Variants in CTDSPL2 observed in about 807,000 individuals in gnomAD.
CTDSPL2 encodes CTD small phosphatase like 2.
CTDSPL2 carries 5 observed loss-of-function variants against 60.0 expected under a neutral mutation model. That is an observed-to-expected ratio of 0.08 (90% CI 0.04 to 0.18). The LOEUF (loss-of-function observed/expected upper bound fraction) is 0.18. Ranked by LOEUF, CTDSPL2 falls within the 10% of genes least tolerant of loss-of-function variation. The pLI is 1.00. For missense variants in CTDSPL2, 370 were observed against 548.8 expected, an observed-to-expected ratio of 0.67 and a Z score of 3.26; for synonymous variants, 186 against 189.3, an observed-to-expected ratio of 0.98 and a Z score of 0.14.
At chr15:44,481,676 C>T (rs1246798526) in intron 2 of CTDSPL2, among the ~76,000 whole-genome samples, 1 of 152,120 alleles carries the variant, frequency 6.6e-6, no homozygotes, top group African/African-American at 2.4e-5. Context: ...CGGGTTCAAG[C>T]GATTCTTCTG....
chr15:44,473,078 T>G (rs1370588998), intron 2 of CTDSPL2, among the ~76,000 whole-genome samples: 1 of 152,170 alleles, frequency 6.6e-6, no homozygotes, highest in African/African-American at 2.4e-5. Flanking sequence ...ATTACAGGTG[T>G]GAGCCACCAC....
intron 1 of CTDSPL2, among the ~76,000 whole-genome samples, chr15:44,458,279 G>T (rs528944142): frequency 9.8e-5 from 15 of 152,318 alleles, no homozygotes; most frequent in Non-Finnish European, 1.3e-4. Flanking sequence ...GTGTTTCACA[G>T]ATTCTAATTC....
intron 1 of CTDSPL2, among the ~76,000 whole-genome samples, chr15:44,445,038 G>A (rs1040769742): frequency 6.6e-6 from 1 of 150,988 alleles, no homozygotes; most frequent in Non-Finnish European, 1.5e-5. Flanking sequence ...AGACGACAGG[G>A]TTTCACCGTG....
chr15:44,466,575 A>G (rs1363270694), intron 2 of CTDSPL2, among the ~76,000 whole-genome samples: 5 of 152,170 alleles, frequency 3.3e-5, no homozygotes, highest in African/African-American at 1.2e-4. Context: ...GTGAATCTAG[A>G]TGGTGTATTC....
rs573404499 is a variant in CTDSPL2, at chr15:44,462,006, A to G, written c.186+2806A>G. 1.7e-3 allele frequency among the ~76,000 whole-genome samples: 255 copies of G among 152,182 alleles called. 1 individual carries two copies. The highest frequency in any genetic ancestry group is 5.9e-3 in the African/African-American group (247 of 41,538). On this transcript the variant is annotated intron_variant, in intron 2 of 12. Transcript: ENST00000260327. ...TGCCCAGGCTAGAGTGCAGTTGTGC[A>G]GTCACAGCTCACTGCAGCCTTGACT... is the stretch of plus-strand genomic sequence containing the variant.
At chr15:44,450,759 C>G (rs141062728) in intron 1 of CTDSPL2, among the ~76,000 whole-genome samples, 2 of 151,584 alleles carry the variant, frequency 1.3e-5, no homozygotes, top group Non-Finnish European at 2.9e-5. Context: ...CCATGTCCGG[C>G]TAATTTTTGT....
intron 2 of CTDSPL2, among the ~76,000 whole-genome samples, chr15:44,467,162 G>C (rs2080713808): frequency 6.6e-6 from 1 of 152,198 alleles, no homozygotes; most frequent in African/African-American, 2.4e-5. Context: ...CTGCTGAACT[G>C]TGTGCACATA....
chr15:44,442,302 G>A (rs1372635482), intron 1 of CTDSPL2, among the ~76,000 whole-genome samples: 1 of 151,890 alleles, frequency 6.6e-6, no homozygotes, highest in Non-Finnish European at 1.5e-5. Flanking sequence ...ATTACAAAAA[G>A]TAGGCGTGGT....
chr15:44,512,425 GATAGTTT>G (rs1399728695), intron 8 of CTDSPL2, among the ~76,000 whole-genome samples: 5 of 152,148 alleles, frequency 3.3e-5, no homozygotes, highest in Admixed American at 6.5e-5. Context: ...AAAAGGTTCT[GATAGTTT>G]ATAGTTTATC....
At chr15:44,503,220 G>T (rs978606740) in intron 8 of CTDSPL2, among the ~76,000 whole-genome samples, 12 of 148,392 alleles carry the variant, frequency 8.1e-5, no homozygotes, top group East Asian at 7.9e-4. Flanking sequence ...TCTTAAATTG[G>T]TTTTTTTTTT....
In CTDSPL2 at chr15:44,526,587, T is replaced by C. The variant is rs2081878177; in HGVS notation, c.*2413T>C. 1 of 152,160 alleles carries C rather than the reference T, an allele frequency of 6.6e-6. No individual in the cohort carries two copies. 9.4% of individuals were successfully genotyped at this position (152,160 alleles called of 1,614,324 possible). On this transcript the variant is annotated 3_prime_UTR_variant, in exon 13 of 13. Coordinates refer to ENST00000260327, the MANE Select transcript of CTDSPL2 (RefSeq NM_016396.3). ...GCCAAATTAATATATTTTTCTTTGTTATTTTATTTGAGTCATTTTAAATTT... is the reference window on the plus strand; with the variant it reads ...GCCAAATTAATATATTTTTCTTTGTCATTTTATTTGAGTCATTTTAAATTT...
At chr15:44,462,914 A>G (rs772082218) in intron 2 of CTDSPL2, among the ~76,000 whole-genome samples, 3 of 151,990 alleles carry the variant, frequency 2.0e-5, no homozygotes, top group African/African-American at 7.2e-5. Flanking sequence ...CATGTTGCCC[A>G]GGCTGGTCTT....
At chr15:44,450,646 G>A (rs984732711) in intron 1 of CTDSPL2, among the ~76,000 whole-genome samples, 2 of 138,490 alleles carry the variant, frequency 1.4e-5, no homozygotes, top group African/African-American at 5.6e-5. Context: ...ACGCAGATTG[G>A]AGTATAGCGG....
intron 5 of CTDSPL2, 52 bp downstream of exon 5, chr15:44,491,051 A>C (rs2081205688): frequency 7.3e-7 from 1 of 1,373,982 alleles, no homozygotes; most frequent in Non-Finnish European, 1.0e-6. Flanking sequence ...GATAAAAAAT[A>C]ACAGTATTTC....
At chr15:44,505,338 C>G (rs778698498) in intron 8 of CTDSPL2, among the ~76,000 whole-genome samples, 9 of 152,080 alleles carry the variant, frequency 5.9e-5, no homozygotes, top group Non-Finnish European at 8.8e-5. Context: ...GGGAAGATCA[C>G]CGGAACCCCG....
chr15:44,451,662 C>T (rs1167034243), intron 1 of CTDSPL2, among the ~76,000 whole-genome samples: 1 of 151,948 alleles, frequency 6.6e-6, no homozygotes, highest in Non-Finnish European at 1.5e-5. Flanking sequence ...GAAAACTGGC[C>T]ATTTTAGATA....
At chr15:44,505,307 A>T (rs1446103648) in intron 8 of CTDSPL2, among the ~76,000 whole-genome samples, 1 of 152,114 alleles carries the variant, frequency 6.6e-6, no homozygotes, top group Non-Finnish European at 1.5e-5. Context: ...CTCTAGTCCC[A>T]GCTACTTGGG....
chr15:44,511,640 G>A lies in CTDSPL2; in HGVS notation c.970-2958G>A, dbSNP rs539752409. ...AATACCTCCCCTGGGAGGCCGAGGC[G>A]GGGAGATCACCTGAGTTCGAGAGTT... On this transcript the variant is annotated intron_variant, in intron 8 of 12. Transcript: ENST00000260327. Among the ~76,000 whole-genome samples the A allele has an allele frequency of 5.3e-5, 8 of 151,944 alleles. No homozygotes were observed. The South Asian group carries it at 6.2e-4, about 12-fold the overall frequency.
intron 7 of CTDSPL2, among the ~76,000 whole-genome samples, chr15:44,498,486 C>T (rs552895942): frequency 2.3e-4 from 35 of 152,110 alleles, no homozygotes; most frequent in Non-Finnish European, 4.3e-4. Context: ...CTCGGGAGGC[C>T]GAGAGAGGAG....
Sources: allele counts gnomAD v4.1 joint callset (sites outside exome capture counted in the v4.1 genomes callset), GRCh38; gene constraint gnomAD v4.1.1; transcripts MANE v1.5; gene names NCBI Gene and HGNC (gene_info 2026-07-23, HGNC 2026-07-21).